Variants in GNPTAB observed in about 807,000 individuals in gnomAD.
GNPTAB encodes N-acetylglucosamine-1-phosphate transferase subunits alpha and beta.
GNPTAB carries 92 observed loss-of-function variants against 136.6 expected under a neutral mutation model. That is an observed-to-expected ratio of 0.67 (90% CI 0.57 to 0.80). The LOEUF is 0.80. Among genes scored for constraint, GNPTAB ranks in the 30% least tolerant of loss-of-function variants. The probability of loss-of-function intolerance (pLI) is 0.00; values close to 1 mark genes in which losing one functional copy is unlikely to be tolerated. For missense variants in GNPTAB, 1,343 were observed against 1,501.8 expected (o/e 0.89, Z 1.75); for synonymous variants, 512 against 535.1 (o/e 0.96, Z 0.60).
intron 1 of GNPTAB, among the ~76,000 whole-genome samples, chr12:101,806,798 A>C: frequency 6.6e-6 from 1 of 152,138 alleles, no homozygotes; most frequent in Non-Finnish European, 1.5e-5. Context: ...ACCTTCCAAA[A>C]TAGAAAGCCC....
rs763356524 is a variant in GNPTAB at position 101,830,665 on chromosome 12, T to C, written c.11A>G (p.Lys4Arg). ...GGTATAGGTCTGTCTCTGCAGGAGC[T>C]TGAACAGCATCACCCCTTCACCGCC... Reference protein sequence around the residue: MLFKLLQRQTYTCL... With the variant: MLFRLLQRQTYTCL... The change falls in exon 1 of 21, where the codon AAG becomes AGG. Residue 4 changes from lysine to arginine, a missense_variant. By Grantham distance (26) the Lys-to-Arg change is conservative (BLOSUM62 2). Coordinates refer to ENST00000299314, the MANE Select transcript of GNPTAB (RefSeq NM_024312.5). 10 of 1,590,300 alleles carry C rather than the reference T, an allele frequency of 6.3e-6. No homozygotes were observed. In the Admixed American group the frequency reaches 1.2e-4, roughly 19 times the overall value.
At chr12:101,808,121 G>C (rs1475278803) in intron 1 of GNPTAB, among the ~76,000 whole-genome samples, 1 of 152,174 alleles carries the variant, frequency 6.6e-6, no homozygotes, top group Non-Finnish European at 1.5e-5. Flanking sequence ...AACAATCAAA[G>C]AAGATCCAAA....
intron 20 of GNPTAB, among the ~76,000 whole-genome samples, chr12:101,748,851 C>T (rs1002565874): frequency 3.3e-5 from 5 of 152,280 alleles, no homozygotes; most frequent in Non-Finnish European, 7.4e-5. Flanking sequence ...AGCCTGATAT[C>T]TACAAGTTAA....
intron 5 of GNPTAB, among the ~76,000 whole-genome samples, chr12:101,785,253 G>C (rs143156126): frequency 6.6e-6 from 1 of 152,154 alleles, no homozygotes; most frequent in Non-Finnish European, 1.5e-5. Flanking sequence ...GCAAGGCCTC[G>C]TTCTACTGTC....
At chr12:101,756,939 C>T (rs1019105147) in intron 18 of GNPTAB, 1 of 334,164 alleles carries the variant, frequency 3.0e-6, no homozygotes, top group Admixed American at 4.4e-5. Flanking sequence ...AGCTGCCTGG[C>T]CTCACCTCCC....
Position 101,749,069 on chromosome 12 carries a change from T to C in GNPTAB, c.3693+32A>G, listed in dbSNP as rs186221736. The stretch of plus-strand genomic sequence containing the variant: ...GATGCTAGTATACCAAGAAATACCA[T>C]TTAATACCCACATAAAATATATAAA... On this transcript the variant is annotated intron_variant, in intron 20 of 20. Coordinates refer to ENST00000299314, the MANE Select transcript of GNPTAB (RefSeq NM_024312.5). The C allele has an allele frequency of 2.7e-4, 325 of 1,199,688 alleles. No individual in the cohort carries two copies. The highest frequency in any genetic ancestry group is 5.7e-4 in the Admixed American group (34 of 59,418). The allele number at this position is 1,199,688 out of a possible 1,614,324, so 74.3% of individuals were successfully genotyped here.
chr12:101,825,983 C>G (rs1294334928), intron 1 of GNPTAB, among the ~76,000 whole-genome samples: 1 of 152,196 alleles, frequency 6.6e-6, no homozygotes, highest in African/African-American at 2.4e-5. Flanking sequence ...CTTTCTAACT[C>G]ATCTGTTTGT....
At chr12:101,798,877 G>A (rs543835322) in intron 1 of GNPTAB, among the ~76,000 whole-genome samples, 1 of 152,218 alleles carries the variant, frequency 6.6e-6, no homozygotes, top group African/African-American at 2.4e-5. Context: ...AGAACATCAT[G>A]GGACTCTTAG....
chr12:101,771,039 A>G lies in GNPTAB; in HGVS notation c.890T>C (p.Ile297Thr). 2 of 1,614,114 alleles carry G rather than the reference A, an allele frequency of 1.2e-6. No individual in the cohort carries two copies. Among genetic ancestry groups the G allele is most frequent in the Non-Finnish European group, 1.7e-6 (2 of 1,179,966 alleles). The change falls in exon 8 of 21, where the codon ATA becomes ACA. Residue 297 changes from isoleucine (I) to threonine (T), a missense_variant. By Grantham distance (89) the Ile-to-Thr change is moderately conservative (BLOSUM62 -1). Coordinates refer to ENST00000299314, the MANE Select transcript of GNPTAB (RefSeq NM_024312.5). ...ATCCCATAATAAATATGCAGGACTT[A>G]TGGTCAGTTCTTTTCCATCAATGGT... is the stretch of plus-strand genomic sequence containing the variant. ...NMTIDGKELT[I>T]SPAYLLWDLS...
At chr12:101,830,018 A>AAG (rs1555276978) in intron 1 of GNPTAB, among the ~76,000 whole-genome samples, 6 of 151,528 alleles carry the variant, frequency 4.0e-5, no homozygotes, top group South Asian at 2.1e-4. Context: ...AAAAAAAAAA[A>AAG]AAAAGAAAAA....
chr12:101,828,279 A>G (rs1172290397), intron 1 of GNPTAB, among the ~76,000 whole-genome samples: 1 of 152,172 alleles, frequency 6.6e-6, no homozygotes, highest in African/African-American at 2.4e-5. Flanking sequence ...TCCATTTCAA[A>G]GATAAGGAAG....
chr12:101,811,410 T>A (rs1444437074), intron 1 of GNPTAB, among the ~76,000 whole-genome samples: 1 of 151,636 alleles, frequency 6.6e-6, no homozygotes, highest in Admixed American at 6.6e-5. Flanking sequence ...TTTTACTCTA[T>A]CTCTGTGGAT....
At position 101,761,572 on chromosome 12, in the gene GNPTAB, C is replaced by A. The variant is rs762722597; in HGVS notation, c.2907G>T (p.Leu969=). Residue 969 remains leucine (L), a synonymous_variant, in exon 14 of 21, where the codon CTG becomes CTT. Coordinates refer to ENST00000299314, the MANE Select transcript of GNPTAB (RefSeq NM_024312.5). ...HMIDRIVMQE[L]QDMFPEEFDK... ...ACACGAGCAAGACTTACATATCTTG[C>A]AGTTCTTGCATAACAATCCGGTCAA... 4.3e-6 allele frequency: 7 copies of A among 1,613,706 alleles called. No individual in the cohort carries two copies. In the South Asian group the frequency reaches 6.6e-5, roughly 15 times the overall value.
chr12:101,764,563 A>C lies in GNPTAB; in HGVS notation c.2354T>G (p.Leu785Trp), dbSNP rs144060383. The change falls in exon 13 of 21, where the codon TTG (leucine) becomes TGG (tryptophan). Residue 785 changes from leucine to tryptophan, a missense_variant. Transcript: ENST00000299314. ...LPNSLGVSER[L>W]QRLTFPAVSV... ...CACTGCAGGAAAAGTCAACCTCTGC[A>C]ATCTTTCAGACACTCCTAAGCTGTT... 2.4e-5 allele frequency: 38 copies of C among 1,613,398 alleles called. No individual in the cohort carries two copies. The highest frequency in any genetic ancestry group is 3.0e-5 in the Non-Finnish European group (35 of 1,179,868).
intron 1 of GNPTAB, among the ~76,000 whole-genome samples, chr12:101,815,645 T>C (rs1454693128): frequency 6.7e-6 from 1 of 149,398 alleles, no homozygotes; most frequent in African/African-American, 2.5e-5. Context: ...AAAGCCTCTC[T>C]CTAAAAACAA....
intron 1 of GNPTAB, among the ~76,000 whole-genome samples, chr12:101,822,665 C>A (rs1235126855): frequency 1.3e-5 from 2 of 152,210 alleles, no homozygotes; most frequent in Non-Finnish European, 2.9e-5. Context: ...CAGGCCTGTA[C>A]TGGGAGAAGG....
At position 101,830,304 on chromosome 12, in the gene GNPTAB, T is replaced by A. The variant is rs1434482779; in HGVS notation, c.117+255A>T. Reference sequence around the variant, plus strand: ...CCTTTTTCCAGTTCTGACTTGCTCATAGTCTCTGCACACGTTTATGATAAA... The same window carrying A: ...CCTTTTTCCAGTTCTGACTTGCTCAAAGTCTCTGCACACGTTTATGATAAA... On this transcript the variant is annotated intron_variant, in intron 1 of 20. Coordinates refer to ENST00000299314, the MANE Select transcript of GNPTAB (RefSeq NM_024312.5). Among the ~76,000 whole-genome samples the A allele has an allele frequency of 1.6e-4, 25 of 152,212 alleles. 1 individual carries two copies.
At chr12:101,753,117 C>T (rs927576147) in intron 19 of GNPTAB, among the ~76,000 whole-genome samples, 5 of 151,516 alleles carry the variant, frequency 3.3e-5, no homozygotes, top group African/African-American at 4.8e-5. Context: ...AGCTGGGCTT[C>T]GTGGCATATG....
At position 101,757,615 on chromosome 12, in the gene GNPTAB, T is replaced by C; in HGVS notation, c.3292A>G (p.Thr1098Ala). Residue 1098 changes from threonine to alanine, a missense_variant, in exon 17 of 21, where the codon ACT (threonine) becomes GCT (alanine). By Grantham distance (58) the Thr-to-Ala change is moderately conservative (BLOSUM62 0). Coordinates refer to ENST00000299314, the MANE Select transcript of GNPTAB (RefSeq NM_024312.5). ...KSLVTNCKPV[T>A]DKIHKAYKDK... ...TTATATGCTTTGTGGATTTTGTCAG[T>C]TACTGGTTTACAGTTTGTTACTAGA... is the stretch of plus-strand genomic sequence containing the variant. The C allele has an allele frequency of 6.3e-7, 1 of 1,589,638 alleles. No homozygotes were observed. The highest frequency in any genetic ancestry group is 8.6e-7 in the Non-Finnish European group (1 of 1,157,956).
Sources: allele counts gnomAD v4.1 joint callset (sites outside exome capture counted in the v4.1 genomes callset), GRCh38; gene constraint gnomAD v4.1.1; transcripts MANE v1.5; gene names NCBI Gene and HGNC (gene_info 2026-07-23, HGNC 2026-07-21).